Variants in KIT observed in about 807,000 individuals in gnomAD.
KIT encodes mast/stem cell growth factor receptor Kit.
Under a neutral mutation model 105.7 loss-of-function variants are expected in KIT, and 16 were observed. The observed-to-expected ratio is 0.15, with a 90% CI of 0.10 to 0.23. The LOEUF is 0.23. KIT is among the 10% of genes least tolerant of loss of function. The pLI is 1.00. For synonymous variants in KIT, 438 were observed against 441.1 expected (o/e 0.99, Z 0.09); for missense variants, 858 against 1,213.8 (o/e 0.71, Z 4.36).
Position 54,726,052 on chromosome 4 carries a change from T to A in KIT, c.1540+2T>A, listed in dbSNP as rs760183633. 1 of 1,611,636 alleles carries A rather than the reference T, an allele frequency of 6.2e-7. No homozygotes were observed. ...TTGCATTTAAAGGTAACAACAAAGG[T>A]ATATTTCTTTTTAATCCAATTTAAG... is the stretch of plus-strand genomic sequence containing the variant. On this transcript the variant is annotated splice_donor_variant, in intron 9 of 20. Coordinates refer to ENST00000288135, the MANE Select transcript of KIT (RefSeq NM_000222.3). LOFTEE classifies it high-confidence loss of function.
chr4:54,691,170 A>C (rs1158347095), intron 1 of KIT, among the ~76,000 whole-genome samples: 1 of 152,188 alleles, frequency 6.6e-6, no homozygotes, highest in African/African-American at 2.4e-5. Flanking sequence ...CATCTGTTAT[A>C]GGGACTGGGT....
At chr4:54,668,537 C>A (rs957816385) in intron 1 of KIT, among the ~76,000 whole-genome samples, 2 of 152,100 alleles carry the variant, frequency 1.3e-5, no homozygotes, top group African/African-American at 4.8e-5. Context: ...ATGGCCTATG[C>A]GGGTTCTTAA....
chr4:54,725,230 G>A (rs1374179375), intron 8 of KIT, among the ~76,000 whole-genome samples: 1 of 151,938 alleles, frequency 6.6e-6, no homozygotes, highest in South Asian at 2.1e-4. Flanking sequence ...TCAGCCTCCC[G>A]AGTAGCTGGG....
In KIT at chr4:54,725,962, G is replaced by T; in HGVS notation, c.1452G>T (p.Lys484Asn). Residue 484 changes from lysine to asparagine, a missense_variant, in exon 9 of 21, where the codon AAG (lysine) becomes AAT (asparagine). Lys to Asn is a moderately conservative substitution (Grantham distance 94, BLOSUM62 0). Around this residue, in one of 7 missense-constraint regions of KIT, gnomAD observed 401 missense variants for 601.0 expected, o/e 0.67. Coordinates refer to ENST00000288135, the MANE Select transcript of KIT (RefSeq NM_000222.3). ...GTTCTATAGATTCTAGTGCATTCAA[G>T]CACAATGGCACGGTTGAATGTAAGG... is the stretch of plus-strand genomic sequence containing the variant. ...VQSSIDSSAF[K>N]HNGTVECKAY... 6.2e-7 allele frequency: 1 copy of T among 1,614,108 alleles called. No individual in the cohort carries two copies. The highest frequency in any genetic ancestry group is 8.5e-7 in the Non-Finnish European group (1 of 1,179,972).
Position 54,709,536 on chromosome 4 carries a change from A to T in KIT, c.1228A>T (p.Asn410Tyr), listed in dbSNP as rs111646246. Residue 410 changes from asparagine to tyrosine, a missense_variant, in exon 7 of 21, where the codon AAT becomes TAT. Asn to Tyr is a moderately radical substitution (Grantham distance 143). Coordinates refer to ENST00000288135, the MANE Select transcript of KIT (RefSeq NM_000222.3). ...NAAIAFNVYV[N>Y]TKPEILTYDR... is the part of the protein sequence containing the mutation. The stretch of plus-strand genomic sequence containing the variant: ...TGCCATAGCATTTAATGTTTATGTG[A>T]ATAGTAAGTAACATGAAGGGCTCCT... The T allele has an allele frequency of 4.5e-6, 7 of 1,569,886 alleles. No homozygotes were observed. The highest frequency in any genetic ancestry group is 4.4e-6 in the Non-Finnish European group (5 of 1,139,776).
At chr4:54,684,069 A>G (rs1047618461) in intron 1 of KIT, among the ~76,000 whole-genome samples, 5 of 151,982 alleles carry the variant, frequency 3.3e-5, no homozygotes, top group Non-Finnish European at 1.5e-5. Context: ...AGAAAACTGA[A>G]GGGCTGACTT....
intron 7 of KIT, among the ~76,000 whole-genome samples, chr4:54,710,973 A>G (rs1461806851): frequency 6.6e-6 from 1 of 152,176 alleles, no homozygotes; most frequent in African/African-American, 2.4e-5. Context: ...TTGTACTCCT[A>G]GGCCCAAGAG....
rs1032516214 is a variant in KIT at position 54,667,693 on chromosome 4, T to G, written c.67+9612T>G. On this transcript the variant is annotated intron_variant, in intron 1 of 20. Coordinates refer to ENST00000288135, the MANE Select transcript of KIT (RefSeq NM_000222.3). ...GGATAATTTTTAGGGCACCTGGATT[T>G]TTATTCTTCAATAATTGAAGTCTTT... is the stretch of plus-strand genomic sequence containing the variant. Among the ~76,000 whole-genome samples the G allele has an allele frequency of 7.1e-4, 108 of 152,224 alleles. 1 individual carries two copies. The highest frequency in any genetic ancestry group is 2.6e-3 in the African/African-American group (106 of 41,468).
intron 1 of KIT, among the ~76,000 whole-genome samples, chr4:54,677,064 A>G (rs984667661): frequency 5.3e-5 from 8 of 152,142 alleles, no homozygotes; most frequent in African/African-American, 1.2e-4. Flanking sequence ...TATAAACTCT[A>G]TGGGTGAGGG....
intron 1 of KIT, among the ~76,000 whole-genome samples, chr4:54,684,007 G>A (rs1461417849): frequency 6.6e-6 from 1 of 152,206 alleles, no homozygotes; most frequent in Non-Finnish European, 1.5e-5. Context: ...CTACAGGAAA[G>A]GTGGGATCGG....
chr4:54,658,626 TG>T (rs1465015604), intron 1 of KIT, among the ~76,000 whole-genome samples: 1 of 152,024 alleles, frequency 6.6e-6, no homozygotes, highest in African/African-American at 2.4e-5. Context: ...TGCCCAGAGC[TG>T]GGGACCGACC....
At chr4:54,717,032 CTGTT>C (rs983468114) in intron 7 of KIT, among the ~76,000 whole-genome samples, 8 of 152,084 alleles carry the variant, frequency 5.3e-5, no homozygotes, top group South Asian at 4.1e-4. Flanking sequence ...TGTTTGAACT[CTGTT>C]TGTATTTTCT....
chr4:54,708,876 G>A (rs979360993), intron 6 of KIT, among the ~76,000 whole-genome samples: 2 of 152,200 alleles, frequency 1.3e-5, no homozygotes, highest in Non-Finnish European at 2.9e-5. Flanking sequence ...GGTCCTGCAA[G>A]AAGTCAGAAG....
At chr4:54,675,466 A>G (rs1718403014) in intron 1 of KIT, among the ~76,000 whole-genome samples, 1 of 152,240 alleles carries the variant, frequency 6.6e-6, no homozygotes, top group African/African-American at 2.4e-5. Flanking sequence ...TTAAGGGAAA[A>G]GTGAATACTC....
intron 7 of KIT, among the ~76,000 whole-genome samples, chr4:54,716,029 A>AT (rs1488691509): frequency 1.3e-5 from 2 of 152,100 alleles, no homozygotes; most frequent in Non-Finnish European, 2.9e-5. Context: ...TTTTCTTTCC[A>AT]TTTTTTAAAA....
At chr4:54,723,735 AG>A (rs1270956334) in intron 8 of KIT, 37 bp downstream of exon 8, 1 of 1,166,360 alleles carries the variant, frequency 8.6e-7, no homozygotes, top group Non-Finnish European at 1.3e-6. Flanking sequence ...TATAATGCAG[AG>A]GGGAAGGACT....
chr4:54,723,985 A>G (rs1332775159), intron 8 of KIT, among the ~76,000 whole-genome samples: 2 of 152,202 alleles, frequency 1.3e-5, no homozygotes, highest in Admixed American at 1.3e-4. Context: ...ATTTTGCAGG[A>G]CAGAGTAATT....
rs79820663 is a variant in KIT at position 54,726,132 on chromosome 4, A to G, written c.1540+82A>G. The stretch of plus-strand genomic sequence containing the variant: ...GTCATGATTTTAAGTTCATTCCAAC[A>G]TTGACCATGTCATTTCTGGTAATAC... On this transcript the variant is annotated intron_variant, in intron 9 of 20. Coordinates refer to ENST00000288135, the MANE Select transcript of KIT (RefSeq NM_000222.3). 3.9e-3 allele frequency: 4,362 copies of G among 1,130,404 alleles called. 130 individuals are homozygous for G. In the African/African-American group the frequency reaches 0.057, roughly 15 times the overall value. 70.0% of individuals were successfully genotyped at this position (1,130,404 alleles called of 1,614,324 possible). A position where few individuals can be genotyped will look rare whatever the true frequency, so the allele number is the denominator to read the frequency against.
chr4:54,738,526 C>G lies in KIT; in HGVS notation c.2900C>G (p.Ser967Cys), dbSNP rs1232060384. ...TCTGTCGGCAGCACCGCTTCCTCCT[C>G]CCAGCCTCTGCTTGTGCACGACGAT... is the stretch of plus-strand genomic sequence containing the variant. ...INSVGSTASSSQPLLVHDDV is the reference protein window; with the variant it reads ...INSVGSTASSCQPLLVHDDV The change falls in exon 21 of 21, where the codon TCC (serine) becomes TGC (cysteine). Residue 967 changes from serine (S) to cysteine (C), a missense_variant. Physicochemically the swap from Ser to Cys is moderately radical, Grantham distance 112 (BLOSUM62 -1). Around this residue, in one of 7 missense-constraint regions of KIT, gnomAD observed 105 missense variants for 103.5 expected, o/e 1.01. Coordinates refer to ENST00000288135, the MANE Select transcript of KIT (RefSeq NM_000222.3). The G allele has an allele frequency of 3.2e-5, 51 of 1,613,994 alleles. No homozygotes were observed. Among genetic ancestry groups the G allele is most frequent in the Non-Finnish European group, 4.2e-5 (49 of 1,180,026 alleles).
Sources: gnomAD v4.1 joint callset for allele counts (sites outside exome capture counted in the v4.1 genomes callset) on GRCh38, gnomAD v4.1.1 for gene constraint, gnomAD v4.1.1 regional missense constraint, MANE v1.5 for transcripts, NCBI Gene and HGNC (gene_info 2026-07-23, HGNC 2026-07-21) for gene names.